SOX5: variants seen among roughly 807,000 people sequenced by gnomAD.
SOX5 encodes the protein transcription factor SOX-5.
A neutral mutation model predicts 92.0 loss-of-function variants in SOX5; 9 were observed. That is an observed-to-expected ratio of 0.10 (90% CI 0.06 to 0.17). The LOEUF is 0.17. Ranked by LOEUF, SOX5 falls within the 10% of genes least tolerant of loss-of-function variation. The pLI is 1.00. For missense variants in SOX5, 642 were observed against 944.5 expected (o/e 0.68, Z 4.20); for synonymous variants, 344 against 336.3 (o/e 1.02, Z -0.25).
intron 4 of SOX5, among the ~76,000 whole-genome samples, chr12:24,132,941 C>A (rs1159438480): frequency 6.6e-6 from 1 of 152,118 alleles, no homozygotes; most frequent in East Asian, 1.9e-4. Flanking sequence ...CCCAAAGTAC[C>A]ATGTCATTAC....
intron 3 of SOX5, among the ~76,000 whole-genome samples, chr12:23,837,148 T>C (rs2096429383): frequency 6.9e-6 from 1 of 144,634 alleles, no homozygotes; most frequent in Non-Finnish European, 1.5e-5. Flanking sequence ...CCAATGTAGC[T>C]TACCAGTTGT....
chr12:24,061,275 GTAAGTATTAAGTAT>G (rs906859971), intron 4 of SOX5, among the ~76,000 whole-genome samples: 2 of 152,100 alleles, frequency 1.3e-5, no homozygotes, highest in African/African-American at 4.8e-5. Context: ...TAAGTATCCC[GTAAGTATTAAGTAT>G]TAAGGGACAC....
chr12:23,611,595 A>C (rs1407000380), intron 8 of SOX5, among the ~76,000 whole-genome samples: 1 of 151,932 alleles, frequency 6.6e-6, no homozygotes, highest in Non-Finnish European at 1.5e-5. Flanking sequence ...TTTAACTGGG[A>C]TCTTGCTACA....
At chr12:23,825,509 G>A (rs539604432) in intron 3 of SOX5, among the ~76,000 whole-genome samples, 230 of 152,328 alleles carry the variant, frequency 1.5e-3, no homozygotes, top group Non-Finnish European at 2.5e-3. Flanking sequence ...GACGGGAGCA[G>A]TTCCTATTCG....
intron 1 of SOX5, among the ~76,000 whole-genome samples, chr12:24,495,391 T>C (rs1947525471): frequency 6.6e-6 from 1 of 152,218 alleles, no homozygotes; most frequent in African/African-American, 2.4e-5. Flanking sequence ...TTCTTTTTCC[T>C]TTCAGCAATT....
chr12:23,729,258 A>T (rs1477416228), intron 6 of SOX5, among the ~76,000 whole-genome samples: 2 of 152,178 alleles, frequency 1.3e-5, no homozygotes, highest in Admixed American at 6.6e-5. Flanking sequence ...TAAAACTCAA[A>T]GGGAGTAAAC....
At chr12:24,485,162 A>G (rs1377847950) in intron 1 of SOX5, among the ~76,000 whole-genome samples, 2 of 152,234 alleles carry the variant, frequency 1.3e-5, no homozygotes, top group South Asian at 2.1e-4. Context: ...CACTAAGAAT[A>G]TATCACAGCA....
intron 4 of SOX5, among the ~76,000 whole-genome samples, chr12:23,742,537 T>C (rs181680257): frequency 2.9e-4 from 44 of 152,338 alleles, no homozygotes; most frequent in African/African-American, 9.9e-4. Context: ...GGGAAGATTT[T>C]CTTAATGAAA....
chr12:24,152,837 A>T (rs1394155262), intron 4 of SOX5, among the ~76,000 whole-genome samples: 1 of 105,020 alleles, frequency 9.5e-6, no homozygotes, highest in Non-Finnish European at 2.0e-5. Flanking sequence ...GCACTTCAGC[A>T]CTGGCACAGG....
At chr12:24,120,862 G>A (rs539693101) in intron 4 of SOX5, among the ~76,000 whole-genome samples, 123 of 152,296 alleles carry the variant, frequency 8.1e-4, no homozygotes, top group African/African-American at 2.9e-3. Context: ...TCAACAGTCA[G>A]ACTTCTGACT....
intron 3 of SOX5, among the ~76,000 whole-genome samples, chr12:24,236,349 A>T (rs1964512543): frequency 6.6e-6 from 1 of 152,186 alleles, no homozygotes; most frequent in South Asian, 2.1e-4. Context: ...CACTACATTC[A>T]TCAATCAGAC....
chr12:24,526,527 T>C lies in SOX5; in HGVS notation c.-251+35802A>G, dbSNP rs372481754. Among the ~76,000 whole-genome samples, 15 of 152,320 alleles carry C rather than the reference T, an allele frequency of 9.8e-5. No individual in the cohort carries two copies. The East Asian group carries it at 2.9e-3, about 29-fold the overall frequency. ...AGAAGCTTCAAGAAGTTCTCTTTCT[T>C]GTTCCTTTCATTTTCTGGAAGAAAT... is the stretch of plus-strand genomic sequence containing the variant. On this transcript the variant is annotated intron_variant, in intron 1 of 4. Transcript: ENST00000446891.
At chr12:24,167,432 G>A (rs902725930) in intron 4 of SOX5, among the ~76,000 whole-genome samples, 1 of 152,192 alleles carries the variant, frequency 6.6e-6, no homozygotes, top group Non-Finnish European at 1.5e-5. Context: ...GGTTGGAAGA[G>A]ATAAGCTGAA....
intron 4 of SOX5, among the ~76,000 whole-genome samples, chr12:23,741,529 C>T (rs2093796583): frequency 6.6e-6 from 1 of 151,890 alleles, no homozygotes; most frequent in Admixed American, 6.6e-5. Flanking sequence ...AACTAATAGC[C>T]AGAGTTATTA....
At chr12:23,726,451 A>G (rs1235173591) in intron 6 of SOX5, among the ~76,000 whole-genome samples, 1 of 152,158 alleles carries the variant, frequency 6.6e-6, no homozygotes, top group East Asian at 1.9e-4. Flanking sequence ...GAGTACCCCC[A>G]GCTATAGCAT....
At chr12:24,104,998 A>G (rs1192042571) in intron 4 of SOX5, among the ~76,000 whole-genome samples, 2 of 152,204 alleles carry the variant, frequency 1.3e-5, no homozygotes, top group African/African-American at 4.8e-5. Flanking sequence ...TCTCTATATA[A>G]AAAGAATACT....
chr12:23,967,385 GTAAC>G (rs1406651960), intron 4 of SOX5, among the ~76,000 whole-genome samples: 3 of 151,936 alleles, frequency 2.0e-5, no homozygotes, highest in East Asian at 1.9e-4. Context: ...AATATAAAAA[GTAAC>G]TAAATATGCA....
chr12:23,962,133 T>A (rs1180701447), intron 4 of SOX5, among the ~76,000 whole-genome samples: 1 of 152,094 alleles, frequency 6.6e-6, no homozygotes, highest in African/African-American at 2.4e-5. Context: ...TTTTATTTCA[T>A]GAGTATAAAA....
intron 4 of SOX5, among the ~76,000 whole-genome samples, chr12:24,032,464 T>C (rs10842263): frequency 0.14 from 20,991 of 151,838 alleles, 1,908 homozygotes; most frequent in African/African-American, 0.26. Context: ...AAGGTTTGGA[T>C]AGAAAATAAA....
Sources: allele counts gnomAD v4.1 joint callset (sites outside exome capture counted in the v4.1 genomes callset), GRCh38; gene constraint gnomAD v4.1.1; transcripts MANE v1.5; gene names NCBI Gene and HGNC (gene_info 2026-07-23, HGNC 2026-07-21).